ANTXR2: variants seen among roughly 807,000 people sequenced by gnomAD.
ANTXR2 encodes anthrax toxin receptor 2.
In ANTXR2, 44 loss-of-function variants were observed where a neutral mutation model predicts 73.7. That is an observed-to-expected ratio of 0.60 (90% CI 0.47 to 0.77). The LOEUF (loss-of-function observed/expected upper bound fraction) is 0.77. ANTXR2 is among the 30% of genes least tolerant of loss of function. ANTXR2 has a pLI of 0.00. For synonymous variants in ANTXR2, 217 were observed against 205.9 expected (o/e 1.05, Z -0.46); for missense variants, 604 against 592.5 (o/e 1.02, Z -0.20).
In ANTXR2 at chr4:80,008,528, C is replaced by A; in HGVS notation, c.1034G>T (p.Cys345Phe). ...GLMWWFWPLCCKVVIKDPPPP... is the reference protein window; with the variant it reads ...GLMWWFWPLCFKVVIKDPPPP... ...TAAATCCTTCTTACTCACCACTTTG[C>A]AGCAAAGGGGCCAAAACCACCACAT... Residue 345 changes from cysteine (C) to phenylalanine (F), a missense_variant, in exon 12 of 17, where the codon TGC (cysteine) becomes TTC (phenylalanine). By Grantham distance (205) the Cys-to-Phe change is radical (BLOSUM62 -2). Transcript: ENST00000403729. The A allele has an allele frequency of 1.9e-6, 3 of 1,606,698 alleles. No individual in the cohort carries two copies. The highest frequency in any genetic ancestry group is 2.6e-6 in the Non-Finnish European group (3 of 1,176,346).
intron 8 of ANTXR2, among the ~76,000 whole-genome samples, chr4:80,035,084 T>C (rs1337389205): frequency 1.3e-5 from 2 of 152,156 alleles, no homozygotes; most frequent in African/African-American, 2.4e-5. Context: ...AAATTATAAA[T>C]GCAAACAACC....
At chr4:79,985,642 C>G (rs1205210320) in intron 12 of ANTXR2, among the ~76,000 whole-genome samples, 2 of 152,072 alleles carry the variant, frequency 1.3e-5, no homozygotes, top group Non-Finnish European at 2.9e-5. Flanking sequence ...CTTGGACACT[C>G]AGGCACACCA....
At chr4:80,048,471 T>C (rs1292648387) in intron 7 of ANTXR2, among the ~76,000 whole-genome samples, 2 of 151,660 alleles carry the variant, frequency 1.3e-5, no homozygotes, top group Admixed American at 1.3e-4. Flanking sequence ...AAAATTGGTT[T>C]CCAGTTTTGA....
intron 12 of ANTXR2, among the ~76,000 whole-genome samples, chr4:79,990,177 T>C (rs1277786309): frequency 6.6e-6 from 1 of 151,680 alleles, no homozygotes; most frequent in Non-Finnish European, 1.5e-5. Context: ...AATAGGAAAA[T>C]AAGAAGTCAA....
At chr4:79,956,576 T>C (rs1018471702) in intron 16 of ANTXR2, among the ~76,000 whole-genome samples, 4 of 152,074 alleles carry the variant, frequency 2.6e-5, no homozygotes, top group African/African-American at 7.2e-5. Flanking sequence ...TCAACACAGA[T>C]AGGACAAAAA....
At chr4:80,072,351 C>T in intron 1 of ANTXR2, 58 bp downstream of exon 1, 1 of 1,499,268 alleles carries the variant, frequency 6.7e-7, no homozygotes, top group Non-Finnish European at 8.9e-7. Context: ...CAGCCTCAGC[C>T]CCAGCTGATC....
Position 79,906,846 on chromosome 4 carries a change from C to T in ANTXR2, c.*583G>A, listed in dbSNP as rs2109922325. The T allele has an allele frequency of 6.5e-6, 1 of 153,322 alleles. No individual in the cohort carries two copies. Among genetic ancestry groups the T allele is most frequent in the Admixed American group, 6.5e-5 (1 of 15,288 alleles). 9.5% of individuals were successfully genotyped at this position (153,322 alleles called of 1,614,324 possible). On this transcript the variant is annotated 3_prime_UTR_variant, in exon 17 of 17. Transcript: ENST00000403729. ...TGTGCACTTTTCAGTGTTAGAATGA[C>T]AAGATTTTCCAGTCAGAAACTTCCC...
chr4:79,992,348 A>T (rs1259656768), intron 12 of ANTXR2, among the ~76,000 whole-genome samples: 1 of 151,978 alleles, frequency 6.6e-6, no homozygotes, highest in African/African-American at 2.4e-5. Context: ...TGTTTTCATC[A>T]TCTAAATTTT....
At chr4:80,045,372 T>G (rs938651673) in intron 7 of ANTXR2, among the ~76,000 whole-genome samples, 4 of 151,766 alleles carry the variant, frequency 2.6e-5, no homozygotes, top group African/African-American at 9.7e-5. Context: ...TCCAAAATTT[T>G]TACAAATCTA....
chr4:79,909,303 GGATATA>G (rs1727034600), intron 16 of ANTXR2, among the ~76,000 whole-genome samples: 1 of 152,000 alleles, frequency 6.6e-6, no homozygotes, highest in African/African-American at 2.4e-5. Context: ...CTTATTAAAT[GGATATA>G]GATATAATGA....
chr4:80,036,271 T>C (rs1322841934), intron 7 of ANTXR2, among the ~76,000 whole-genome samples: 2 of 152,108 alleles, frequency 1.3e-5, no homozygotes, highest in African/African-American at 4.8e-5. Flanking sequence ...TAAATTCAGA[T>C]AAGCACAGGA....
chr4:79,981,631 G>T (rs1729894947), intron 14 of ANTXR2, among the ~76,000 whole-genome samples: 1 of 151,970 alleles, frequency 6.6e-6, no homozygotes, highest in South Asian at 2.1e-4. Flanking sequence ...CAAATGTCCT[G>T]AAATCTGAAA....
intron 11 of ANTXR2, among the ~76,000 whole-genome samples, chr4:80,011,154 T>A (rs956718588): frequency 1.4e-5 from 2 of 145,308 alleles, no homozygotes; most frequent in African/African-American, 4.9e-5. Context: ...TCAAAAAAAA[T>A]AAATTAAATA....
chr4:79,987,462 C>T (rs1190397361), intron 12 of ANTXR2, among the ~76,000 whole-genome samples: 1 of 152,040 alleles, frequency 6.6e-6, no homozygotes, highest in East Asian at 1.9e-4. Flanking sequence ...AAACAAACCT[C>T]CAGGAAATAT....
intron 12 of ANTXR2, among the ~76,000 whole-genome samples, chr4:80,001,346 G>A (rs1337478560): frequency 7.8e-6 from 1 of 128,084 alleles, no homozygotes; most frequent in African/African-American, 3.1e-5. Context: ...TCCCCAGAGT[G>A]TGATATTCCC....
chr4:79,966,320 A>G (rs995863273), intron 16 of ANTXR2, among the ~76,000 whole-genome samples: 1 of 152,184 alleles, frequency 6.6e-6, no homozygotes, highest in Non-Finnish European at 1.5e-5. Context: ...GATAAACCAC[A>G]TCTACATAAA....
intron 16 of ANTXR2, among the ~76,000 whole-genome samples, chr4:79,912,268 G>A (rs1727174622): frequency 6.6e-6 from 1 of 151,890 alleles, no homozygotes; most frequent in Non-Finnish European, 1.5e-5. Context: ...TCAGATATCA[G>A]TTATGTTGTA....
chr4:80,024,795 C>A, intron 10 of ANTXR2: 1 of 366,306 alleles, frequency 2.7e-6, no homozygotes, highest in East Asian at 8.4e-5. Flanking sequence ...ACTGTAAAAA[C>A]AAAAGTAGTC....
Position 80,051,716 on chromosome 4 carries a change from C to G in ANTXR2, c.636+2556G>C, listed in dbSNP as rs61591181. On this transcript the variant is annotated intron_variant, in intron 7 of 16. Coordinates refer to ENST00000403729, the MANE Select transcript of ANTXR2 (RefSeq NM_058172.6). ...TTAAAATTTTAACGTGCAGGATGTT[C>G]ATAACAAAGGCCTTTTTCAGCCCCT... is the stretch of plus-strand genomic sequence containing the variant. Among the ~76,000 whole-genome samples the G allele has an allele frequency of 8.9e-3, 1,358 of 151,764 alleles. 23 individuals carry two copies. The highest frequency in any genetic ancestry group is 0.031 in the African/African-American group (1,279 of 41,464).
Sources: allele counts gnomAD v4.1 joint callset (sites outside exome capture counted in the v4.1 genomes callset), GRCh38; gene constraint gnomAD v4.1.1; transcripts MANE v1.5; gene names NCBI Gene and HGNC (gene_info 2026-07-23, HGNC 2026-07-21).